Variants in ITIH4 observed in about 807,000 individuals in gnomAD.
The protein encoded by ITIH4 is inter-alpha-trypsin inhibitor heavy chain 4, also known as inter-alpha-trypsin inhibitor heavy chain H4.
ITIH4 carries 79 observed loss-of-function variants against 111.8 expected under a neutral mutation model. The ratio of observed to expected loss-of-function variants is 0.71; its 90% confidence interval spans 0.59 to 0.85. The LOEUF is 0.85. Ranked by LOEUF, ITIH4 falls within the 40% of genes least tolerant of loss-of-function variation. The pLI is 0.00. For missense variants in ITIH4, 1,065 were observed against 1,195.8 expected, an observed-to-expected ratio of 0.89 and a Z score of 1.61; for synonymous variants, 472 against 468.3, an observed-to-expected ratio of 1.01 and a Z score of -0.10.
At chr3:52,827,352 G>A (rs1379008544) in intron 2 of ITIH4, among the ~76,000 whole-genome samples, 155 bp from the exon 3 acceptor site, 1 of 152,178 alleles carries the variant, frequency 6.6e-6, no homozygotes, top group African/African-American at 2.4e-5. Flanking sequence ...TGCACCTACC[G>A]CATACAGGAC....
intron 1 of ITIH4, 132 bp downstream of exon 1, chr3:52,830,421 G>T: frequency 1.2e-6 from 1 of 864,836 alleles, no homozygotes; most frequent in Non-Finnish European, 2.0e-6. Flanking sequence ...CGGGAGGTCT[G>T]CACCATTTTT....
At position 52,818,068 on chromosome 3, in the gene ITIH4, G is replaced by T; in HGVS notation, c.2280C>A (p.Leu760=). The change falls in exon 20 of 24, where the codon CTC becomes CTA. Residue 760 remains leucine, a synonymous_variant. Coordinates refer to ENST00000266041, the MANE Select transcript of ITIH4 (RefSeq NM_002218.5). ...PRHRQGPVNL[L]SDPEQGVEVT... ...CTCTCTCACCTTGCTCAGGGTCTGA[G>T]AGCAGGTTCACTGGCCCCTGGCGGT... The T allele has an allele frequency of 6.2e-7, 1 of 1,613,292 alleles. No individual in the cohort carries two copies. Among genetic ancestry groups the T allele is most frequent in the South Asian group, 1.1e-5 (1 of 91,030 alleles).
At chr3:52,813,878 G>T in intron 23 of ITIH4, 97 bp downstream of exon 23, 1 of 933,366 alleles carries the variant, frequency 1.1e-6, no homozygotes, top group Non-Finnish European at 1.7e-6. Flanking sequence ...TAGTTCCTGG[G>T]CAAGGACAGG....
intron 14 of ITIH4, 92 bp from the exon 15 acceptor site, chr3:52,820,082 G>A (rs545673879): frequency 5.7e-4 from 806 of 1,416,300 alleles, no homozygotes; most frequent in Non-Finnish European, 7.4e-4. Flanking sequence ...CTGGGGACAG[G>A]GCCTGAGGCA....
rs1364737750 is a variant in ITIH4 at position 52,814,266 on chromosome 3, G to A, written c.2569C>T (p.Leu857Phe). Residue 857 changes from leucine to phenylalanine, a missense_variant, in exon 22 of 24, where the codon CTC becomes TTC. Transcript: ENST00000266041. ...LLFWDGRGEG[L>F]RLLLRDTDRF... ...TCAGTGTCACGCAGAAGGAGCCGGA[G>A]CCCCTCCCCACGGCCATCCCAGAAC... The A allele has an allele frequency of 3.1e-6, 5 of 1,613,784 alleles. No homozygotes were observed. Among genetic ancestry groups the A allele is most frequent in the East Asian group, 2.2e-5 (1 of 44,894 alleles).
Position 52,820,569 on chromosome 3 carries a change from G to A in ITIH4, c.1834+62C>T, listed in dbSNP as rs749809714. ...TCTTGGTCAGGATGCAGGGAAGATC[G>A]GGGAGAACGCTGGGTCCAAACTCTG... On this transcript the variant is annotated intron_variant, in intron 13 of 23. Transcript: ENST00000266041. The A allele has an allele frequency of 3.4e-4, 518 of 1,540,976 alleles. 1 individual carries two copies. Among genetic ancestry groups the A allele is most frequent in the African/African-American group, 7.5e-4 (55 of 72,996 alleles).
In ITIH4 at chr3:52,814,272, C is replaced by A. The variant is rs766970363; in HGVS notation, c.2563G>T (p.Glu855Ter). Residue 855 changes from glutamate (E) to a stop codon, truncating the protein, a stop_gained, in exon 22 of 24, where the codon GAG becomes TAG. Coordinates refer to ENST00000266041, the MANE Select transcript of ITIH4 (RefSeq NM_002218.5). LOFTEE classifies it high-confidence loss of function. ...TCACGCAGAAGGAGCCGGAGCCCCT[C>A]CCCACGGCCATCCCAGAACAACAGG... ...IGLLFWDGRG[E>*]GLRLLLRDTD... is the part of the protein sequence containing the mutation. The A allele has an allele frequency of 6.8e-6, 11 of 1,613,872 alleles. No homozygotes were observed. Among genetic ancestry groups the A allele is most frequent in the African/African-American group, 2.7e-5 (2 of 74,926 alleles).
At chr3:52,816,748 C>T in intron 21 of ITIH4, 136 bp downstream of exon 21, 1 of 841,920 alleles carries the variant, frequency 1.2e-6, no homozygotes, top group Non-Finnish European at 1.9e-6. Flanking sequence ...TGGCAGGGCT[C>T]TTGTCTCTTT....
At chr3:52,820,356 G>C (rs1700358686) in intron 13 of ITIH4, 39 bp from the exon 14 acceptor site, 2 of 1,601,902 alleles carry the variant, frequency 1.2e-6, no homozygotes, top group Non-Finnish European at 1.7e-6. Context: ...CAGACAGACA[G>C]AGACACAGAC....
intron 11 of ITIH4, 191 bp downstream of exon 11, chr3:52,823,365 G>A (rs1270588901): frequency 1.5e-5 from 9 of 593,844 alleles, no homozygotes; most frequent in East Asian, 8.4e-5. Context: ...ACCGGCTGCC[G>A]AGAGCCTGTA....
intron 14 of ITIH4, 24 bp downstream of exon 14, chr3:52,820,267 C>A (rs775912443): frequency 7.4e-6 from 12 of 1,613,866 alleles, no homozygotes; most frequent in Admixed American, 3.3e-5. Context: ...CCCAGCACAG[C>A]CTTTGAGGAT....
At chr3:52,827,796 C>T (rs933599486) in intron 2 of ITIH4, among the ~76,000 whole-genome samples, 33 of 152,240 alleles carry the variant, frequency 2.2e-4, no homozygotes, top group African/African-American at 8.0e-4. Context: ...GACGGGACTC[C>T]TGGGTGTGTG....
At position 52,813,959 on chromosome 3, in the gene ITIH4, G is replaced by T. The variant is rs779398787; in HGVS notation, c.2723+16C>A. On this transcript the variant is annotated intron_variant, in intron 23 of 23. Coordinates refer to ENST00000266041, the MANE Select transcript of ITIH4 (RefSeq NM_002218.5). Reference sequence around the variant, plus strand: ...CCACCCCAGCTGGGCTCAGCGGTCTGCTTGTGCCAAGTCACCTGGTGGCAG... The same window carrying T: ...CCACCCCAGCTGGGCTCAGCGGTCTTCTTGTGCCAAGTCACCTGGTGGCAG... 4.4e-6 allele frequency: 7 copies of T among 1,604,648 alleles called. No individual in the cohort carries two copies. Among genetic ancestry groups the T allele is most frequent in the Non-Finnish European group, 6.0e-6 (7 of 1,174,494 alleles).
intron 2 of ITIH4, among the ~76,000 whole-genome samples, chr3:52,827,895 C>T (rs1012565770): frequency 1.8e-4 from 28 of 152,180 alleles, no homozygotes; most frequent in African/African-American, 6.8e-4. Context: ...TCAGAGCCTC[C>T]TTGTGGGGTG....
At chr3:52,818,671 G>A (rs921525001) in intron 17 of ITIH4, 135 bp from the exon 18 acceptor site, 2 of 718,282 alleles carry the variant, frequency 2.8e-6, no homozygotes, top group Non-Finnish European at 4.8e-6. Context: ...CTTTGTCACA[G>A]GAGATTTTCA....
At position 52,815,246 on chromosome 3, in the gene ITIH4, C is replaced by CT. The variant is rs59772931; in HGVS notation, c.2472-884dup. ...AAATATGTGGGTTTTTTTCTTTTTT[C>CT]TTTTTTTTTTTTTTTGAGACGGAGT... On this transcript the variant is annotated intron_variant, in intron 21 of 23. Transcript: ENST00000266041. Among the ~76,000 whole-genome samples, 492 of 139,054 alleles carry CT rather than the reference C, an allele frequency of 3.5e-3. 6 individuals carry two copies. Among genetic ancestry groups the CT allele is most frequent in the South Asian group, 0.031 (136 of 4,406 alleles). The allele number at this position is 139,054 out of a possible 152,430, so 91.2% of individuals were successfully genotyped here.
chr3:52,819,320 C>A (rs552623578), intron 17 of ITIH4, 73 bp downstream of exon 17: 1 of 1,575,450 alleles, frequency 6.3e-7, no homozygotes, highest in Non-Finnish European at 8.7e-7. Flanking sequence ...CTTTACCCCA[C>A]CCCCCTCTAT....
At position 52,824,307 on chromosome 3, in the gene ITIH4, T is replaced by G. The variant is rs747565354; in HGVS notation, c.1054A>C (p.Ile352Leu). The G allele has an allele frequency of 6.2e-7, 1 of 1,613,146 alleles. No homozygotes were observed. Among genetic ancestry groups the G allele is most frequent in the South Asian group, 1.1e-5 (1 of 91,072 alleles). The stretch of plus-strand genomic sequence containing the variant: ...ACAGCCATCAGCATTGCATCATTGA[T>G]GTTGGTCCCTGAGGAACACGCACTC... The part of the protein sequence containing the change: ...AGIQALGGTN[I>L]NDAMLMAVQL... The change falls in exon 9 of 24, where the codon ATC (isoleucine) becomes CTC (leucine). Residue 352 changes from isoleucine (I) to leucine (L), a missense_variant. By Grantham distance (5) the Ile-to-Leu change is conservative. Transcript: ENST00000266041. This position sits in a 1 kb window ranked among gnomAD's most constrained non-coding sequence, Gnocchi z 4.3.
In ITIH4 at chr3:52,814,081, A is replaced by G. The variant is rs374411405; in HGVS notation, c.2627-10T>C. On this transcript the variant is annotated splice_polypyrimidine_tract_variant and intron_variant, in intron 22 of 23. Coordinates refer to ENST00000266041, the MANE Select transcript of ITIH4 (RefSeq NM_002218.5). ...TCCTGGTAAAACTGGCCTGAGATAC[A>G]AAGGGTGGATCAGTAAGGGTCAGAG... 42 of 1,613,386 alleles carry G rather than the reference A, an allele frequency of 2.6e-5. No homozygotes were observed. The African/African-American group carries it at 5.2e-4, about 20-fold the overall frequency.
Sources: allele counts gnomAD v4.1 joint callset (sites outside exome capture counted in the v4.1 genomes callset), GRCh38; gene constraint gnomAD v4.1.1; non-coding constraint Gnocchi (gnomAD v3.1); transcripts MANE v1.5; gene names NCBI Gene and HGNC (gene_info 2026-07-23, HGNC 2026-07-21).